Variants in ARAP2 observed in about 807,000 individuals in gnomAD.
ARAP2 encodes ArfGAP with RhoGAP domain, ankyrin repeat and PH domain 2.
ARAP2 carries 148 observed loss-of-function variants against 194.5 expected under a neutral mutation model. That is an observed-to-expected ratio of 0.76 (90% CI 0.67 to 0.87). The LOEUF (loss-of-function observed/expected upper bound fraction) is 0.87. Ranked by LOEUF, ARAP2 falls within the 40% of genes least tolerant of loss-of-function variation. ARAP2 has a pLI of 0.00. For missense variants in ARAP2, 2,128 were observed against 1,989.7 expected (o/e 1.07, Z -1.32); for synonymous variants, 695 against 683.5 (o/e 1.02, Z -0.26).
At chr4:36,069,852 G>A (rs1195101765) in intron 32 of ARAP2, among the ~76,000 whole-genome samples, 2 of 152,108 alleles carry the variant, frequency 1.3e-5, no homozygotes, top group Non-Finnish European at 2.9e-5. Flanking sequence ...TTCATGAGTG[G>A]TTTTAGTACC....
chr4:36,153,808 CCTCCT>C (rs995256029), intron 15 of ARAP2, among the ~76,000 whole-genome samples: 3 of 152,146 alleles, frequency 2.0e-5, no homozygotes, highest in African/African-American at 7.2e-5. Context: ...CTTCACTACT[CCTCCT>C]CTTCATCATC....
chr4:36,128,427 T>C (rs1042857055), intron 21 of ARAP2, 106 bp downstream of exon 21: 12 of 805,478 alleles, frequency 1.5e-5, no homozygotes, highest in Admixed American at 3.0e-5. Flanking sequence ...TTATCAAAGA[T>C]GTTTAAAGTC....
chr4:36,051,028 A>C (rs942259703), intron 3 of ARAP2, among the ~76,000 whole-genome samples: 2 of 152,210 alleles, frequency 1.3e-5, no homozygotes, highest in Non-Finnish European at 2.9e-5. Flanking sequence ...CCATGTTTAA[A>C]AACTATCTCA....
At chr4:36,148,902 A>G (rs1218116026) in intron 16 of ARAP2, among the ~76,000 whole-genome samples, 3 of 152,064 alleles carry the variant, frequency 2.0e-5, no homozygotes, top group Non-Finnish European at 4.4e-5. Flanking sequence ...CTAACTTCAA[A>G]TGGTCCCAGT....
chr4:36,040,369 T>C (rs1188061237), intron 5 of ARAP2, among the ~76,000 whole-genome samples: 1 of 152,158 alleles, frequency 6.6e-6, no homozygotes, highest in African/African-American at 2.4e-5. Flanking sequence ...AAGAATCTAG[T>C]TCTGTGAAGA....
intron 8 of ARAP2, among the ~76,000 whole-genome samples, chr4:36,183,666 A>G (rs1378475527): frequency 6.6e-6 from 1 of 152,256 alleles, no homozygotes; most frequent in Non-Finnish European, 1.5e-5. Context: ...GCTTGAGAAC[A>G]ACAGGAGTCA....
chr4:36,134,513 C>T (rs150384571), intron 19 of ARAP2, among the ~76,000 whole-genome samples: 149 of 151,740 alleles, frequency 9.8e-4, no homozygotes, highest in African/African-American at 3.6e-3. Context: ...CCCCTCCTTA[C>T]AGAATTCCTT....
rs1253838489 is a variant in ARAP2, at chr4:36,159,419, T to C, written c.2529A>G (p.Gly843=). 6.2e-7 allele frequency: 1 copy of C among 1,612,218 alleles called. No homozygotes were observed. The highest frequency in any genetic ancestry group is 8.5e-7 in the Non-Finnish European group (1 of 1,178,694). ...FSGADVMCAT[G]DPVHSTPYLL... ...GATAGGGGGTGCTATGCACGGGGTC[T>C]CCGGTGGCACACATGACATCTGCTC... Residue 843 remains glycine, a synonymous_variant, in exon 14 of 33, where the codon GGA becomes GGG. Transcript: ENST00000303965.
intron 6 of ARAP2, among the ~76,000 whole-genome samples, chr4:36,204,987 C>CAAAAAAAAAAAAAAAAAAAAAAAAAAAA (rs754960122): frequency 2.9e-5 from 1 of 35,072 alleles, no homozygotes; most frequent in African/African-American, 1.3e-4. Flanking sequence ...GACTCCATCT[C>CAAAAAAAAAAAAAAAAAAAAAAAAAAAA]AAAAAAAAAA....
chr4:36,093,698 TG>T (rs1714386958), intron 27 of ARAP2, among the ~76,000 whole-genome samples: 1 of 152,102 alleles, frequency 6.6e-6, no homozygotes, highest in Non-Finnish European at 1.5e-5. Flanking sequence ...CGCTGAGGTT[TG>T]GGGTTCCATT....
intron 2 of ARAP2, among the ~76,000 whole-genome samples, chr4:36,057,784 G>A (rs1723764897): frequency 6.6e-6 from 1 of 151,760 alleles, no homozygotes; most frequent in Non-Finnish European, 1.5e-5. Flanking sequence ...AATCATTGCT[G>A]TTATTTAGTC....
At position 36,229,544 on chromosome 4, in the gene ARAP2, C is replaced by T. The variant is rs879051072; in HGVS notation, c.-58G>A. On this transcript the variant is annotated 5_prime_UTR_variant, in exon 2 of 33. It adds an upstream start codon to the 5' untranslated region. Transcript: ENST00000303965. ...AAAGTGGCACGATGAGACACACACACAAGAAGATGTACTTCTCTACTGGCT... is the reference window on the plus strand; with the variant it reads ...AAAGTGGCACGATGAGACACACACATAAGAAGATGTACTTCTCTACTGGCT... 2.7e-5 allele frequency: 36 copies of T among 1,344,688 alleles called. No individual in the cohort carries two copies. The South Asian group carries it at 3.4e-4, about 13-fold the overall frequency. 83.3% of individuals were successfully genotyped at this position (1,344,688 alleles called of 1,614,324 possible). A position where few individuals can be genotyped will look rare whatever the true frequency, so the allele number is the denominator to read the frequency against.
chr4:36,086,830 T>C (rs955093231), intron 28 of ARAP2, among the ~76,000 whole-genome samples: 2 of 152,122 alleles, frequency 1.3e-5, no homozygotes, highest in Non-Finnish European at 2.9e-5. Context: ...ATTAACAGTA[T>C]AATGGTAATA....
intron 9 of ARAP2, among the ~76,000 whole-genome samples, chr4:36,170,464 A>AG (rs1282802140): frequency 6.6e-6 from 1 of 152,210 alleles, no homozygotes; most frequent in Admixed American, 6.5e-5. Flanking sequence ...CTGCTTCTGT[A>AG]GAATGCATGC....
intron 31 of ARAP2, among the ~76,000 whole-genome samples, chr4:36,079,353 T>G (rs1297865578): frequency 6.6e-6 from 1 of 152,116 alleles, no homozygotes; most frequent in African/African-American, 2.4e-5. Context: ...AGTTAATACA[T>G]TAAATGAACA....
At chr4:36,116,405 T>C (rs772781446) in intron 25 of ARAP2, among the ~76,000 whole-genome samples, 7 of 152,004 alleles carry the variant, frequency 4.6e-5, no homozygotes, top group Non-Finnish European at 7.4e-5. Flanking sequence ...ACCTGAAATA[T>C]CAGTTACTAT....
chr4:36,130,022 C>T (rs919549420), intron 20 of ARAP2, among the ~76,000 whole-genome samples: 3 of 151,938 alleles, frequency 2.0e-5, no homozygotes, highest in African/African-American at 7.2e-5. Flanking sequence ...GTATTTCTTT[C>T]TCAATCAGCA....
intron 9 of ARAP2, among the ~76,000 whole-genome samples, chr4:36,008,110 C>T (rs1011112816): frequency 2.6e-5 from 4 of 152,026 alleles, no homozygotes; most frequent in Admixed American, 6.6e-5. Flanking sequence ...CTAAAATACC[C>T]GTACTGCCCA....
chr4:36,157,728 AC>A (rs1732901321), intron 15 of ARAP2, among the ~76,000 whole-genome samples: 1 of 152,234 alleles, frequency 6.6e-6, no homozygotes, highest in African/African-American at 2.4e-5. Flanking sequence ...TCACTACAGG[AC>A]AGCTATTCTT....
Sources: gnomAD v4.1 joint callset for allele counts (sites outside exome capture counted in the v4.1 genomes callset) on GRCh38, gnomAD v4.1.1 for gene constraint, MANE v1.5 for transcripts, NCBI Gene and HGNC (gene_info 2026-07-23, HGNC 2026-07-21) for gene names.